Variants in MTMR12 observed in about 807,000 individuals in gnomAD.
The protein encoded by MTMR12 is myotubularin related protein 12.
A neutral mutation model predicts 96.7 loss-of-function variants in MTMR12; 33 were observed. The ratio of observed to expected loss-of-function variants is 0.34; its 90% CI spans 0.26 to 0.46. MTMR12 has a LOEUF of 0.46. Among genes scored for constraint, MTMR12 ranks in the 20% least tolerant of loss-of-function variants. MTMR12 has a pLI of 1.00. For missense variants in MTMR12, 721 were observed against 896.1 expected (o/e 0.80, Z 2.49); for synonymous variants, 298 against 327.2 (o/e 0.91, Z 0.96).
chr5:32,240,532 C>T (rs1748427663), intron 12 of MTMR12, among the ~76,000 whole-genome samples: 1 of 152,156 alleles, frequency 6.6e-6, no homozygotes, highest in South Asian at 2.1e-4. Flanking sequence ...AAACAAGCCT[C>T]AACTATGGGA....
At chr5:32,308,465 G>A (rs947491840) in intron 1 of MTMR12, among the ~76,000 whole-genome samples, 3 of 152,198 alleles carry the variant, frequency 2.0e-5, no homozygotes, top group Non-Finnish European at 4.4e-5. Context: ...TAAGCCAAGA[G>A]AAGGTTACCA....
At position 32,268,323 on chromosome 5, in the gene MTMR12, C is replaced by G. The variant is rs143423535; in HGVS notation, c.583+378G>C. On this transcript the variant is annotated intron_variant, in intron 6 of 15. Transcript: ENST00000382142. The stretch of plus-strand genomic sequence containing the variant: ...AGGAGTTTGGAACCAGCCTGACCAA[C>G]ATGGAGAAACCTCATCTCTACCAAA... 5.8e-4 allele frequency among the ~76,000 whole-genome samples: 88 copies of G among 152,104 alleles called. No homozygotes were observed. The East Asian group carries it at 0.016, about 27-fold the overall frequency.
At chr5:32,248,185 T>G in intron 9 of MTMR12, 59 bp from the exon 10 acceptor site, 1 of 1,571,062 alleles carries the variant, frequency 6.4e-7, no homozygotes, top group Non-Finnish European at 8.7e-7. Flanking sequence ...GCTTAAGGAT[T>G]TACTACGTGC....
At position 32,312,682 on chromosome 5, in the gene MTMR12, T is replaced by G; in HGVS notation, c.81+76A>C. 3.2e-6 allele frequency: 4 copies of G among 1,262,774 alleles called. No individual in the cohort carries two copies. The South Asian group carries it at 7.9e-5, about 25-fold the overall frequency. The allele number at this position is 1,262,774 out of a possible 1,614,324, so 78.2% of individuals were successfully genotyped here. ...GGAAGCGCTCCGCGGCGCTCCCCGC[T>G]GCAAGGAAGGGGCTCCCGGCGCCCC... is the stretch of plus-strand genomic sequence containing the variant. On this transcript the variant is annotated intron_variant, in intron 1 of 15. Coordinates refer to ENST00000382142, the MANE Select transcript of MTMR12 (RefSeq NM_001040446.3). This position sits in a 1 kb window ranked among gnomAD's most constrained non-coding sequence, Gnocchi z 5.0.
At chr5:32,251,188 T>C (rs1748908069) in intron 8 of MTMR12, among the ~76,000 whole-genome samples, 1 of 151,248 alleles carries the variant, frequency 6.6e-6, no homozygotes, top group Admixed American at 6.6e-5. Context: ...CCCGAGTAGC[T>C]GGGACTACAG....
chr5:32,232,540 G>T (rs575910323), intron 15 of MTMR12, among the ~76,000 whole-genome samples: 16 of 152,338 alleles, frequency 1.1e-4, no homozygotes, highest in Admixed American at 2.6e-4. Flanking sequence ...AACAGACGTT[G>T]TCCTCGCTGT....
At chr5:32,277,623 C>G (rs946634576) in intron 1 of MTMR12, among the ~76,000 whole-genome samples, 2 of 151,760 alleles carry the variant, frequency 1.3e-5, no homozygotes, top group Non-Finnish European at 2.9e-5. Flanking sequence ...CACTTTAATT[C>G]GGGAGGCAGA....
chr5:32,312,587 C>A lies in MTMR12; in HGVS notation c.81+171G>T, dbSNP rs1288990631. 6.6e-6 allele frequency among the ~76,000 whole-genome samples: 1 copy of A among 152,182 alleles called. No homozygotes were observed. Among genetic ancestry groups the A allele is most frequent in the Admixed American group, 6.5e-5 (1 of 15,294 alleles). ...CTGCGCCGGGGTCCCCATTCCGGCCCGCGCGGAGGCCCCAGCGCGCTCCTG... is the reference window on the plus strand; with the variant it reads ...CTGCGCCGGGGTCCCCATTCCGGCCAGCGCGGAGGCCCCAGCGCGCTCCTG... On this transcript the variant is annotated intron_variant, in intron 1 of 15. Coordinates refer to ENST00000382142, the MANE Select transcript of MTMR12 (RefSeq NM_001040446.3). This position sits in a 1 kb window ranked among gnomAD's most constrained non-coding sequence, Gnocchi z 5.0.
chr5:32,307,461 G>C (rs1751406056), intron 1 of MTMR12, among the ~76,000 whole-genome samples: 2 of 152,096 alleles, frequency 1.3e-5, no homozygotes, highest in Admixed American at 1.3e-4. Flanking sequence ...GATGGCCCCA[G>C]ATCCCTCCCT....
intron 2 of MTMR12, 60 bp downstream of exon 2, chr5:32,276,622 G>A (rs1750060335): frequency 7.2e-7 from 1 of 1,381,594 alleles, no homozygotes; most frequent in Non-Finnish European, 1.0e-6. Context: ...GGCTAGGGAT[G>A]ATGTAATTTA....
At chr5:32,237,230 G>C (rs1581589440) in intron 13 of MTMR12, among the ~76,000 whole-genome samples, 1 of 152,240 alleles carries the variant, frequency 6.6e-6, no homozygotes, top group African/African-American at 2.4e-5. Context: ...CGCTGCAGGT[G>C]AGTTGATTAA....
intron 8 of MTMR12, among the ~76,000 whole-genome samples, chr5:32,252,776 T>C (rs1269508883): frequency 6.6e-6 from 1 of 152,264 alleles, no homozygotes; most frequent in African/African-American, 2.4e-5. Context: ...GGCTTTGTTT[T>C]ATGTTTTTGC....
intron 6 of MTMR12, among the ~76,000 whole-genome samples, chr5:32,264,592 C>G (rs1749521863): frequency 6.6e-6 from 1 of 152,054 alleles, no homozygotes; most frequent in African/African-American, 2.4e-5. Flanking sequence ...TCCTGAATAG[C>G]TGGGATTATA....
Position 32,292,759 on chromosome 5 carries a change from GA to G in MTMR12, c.82-16018del, listed in dbSNP as rs57298697. ...TAAAGGTTTGGGTCACTCCACTAGG[GA>G]AAAAAAACCACGACCTGCTGAGGTG... is the stretch of plus-strand genomic sequence containing the variant. On this transcript the variant is annotated intron_variant, in intron 1 of 15. Transcript: ENST00000382142. Among the ~76,000 whole-genome samples the G allele has an allele frequency of 8.9e-3, 1,344 of 151,788 alleles. 15 individuals are homozygous for G. Among genetic ancestry groups the G allele is most frequent in the African/African-American group, 0.031 (1,277 of 41,396 alleles).
chr5:32,290,927 C>T, intron 1 of MTMR12, among the ~76,000 whole-genome samples: 1 of 152,186 alleles, frequency 6.6e-6, no homozygotes, highest in East Asian at 1.9e-4. Context: ...CACCATGCGA[C>T]CTGAACTGCC....
chr5:32,286,865 T>A (rs533098590), intron 1 of MTMR12, among the ~76,000 whole-genome samples: 2 of 152,258 alleles, frequency 1.3e-5, no homozygotes, highest in South Asian at 4.1e-4. Flanking sequence ...CCTCTCGAGT[T>A]CACATGCTCT....
intron 1 of MTMR12, among the ~76,000 whole-genome samples, chr5:32,311,483 GATCAGATCTCTC>G (rs1751594704): frequency 6.6e-6 from 1 of 152,196 alleles, no homozygotes; most frequent in Non-Finnish European, 1.5e-5. Context: ...AGCAGTCCCT[GATCAGATCTCTC>G]ATCCACAGCC....
intron 15 of MTMR12, among the ~76,000 whole-genome samples, chr5:32,232,203 C>T (rs966060149): frequency 6.6e-6 from 1 of 152,230 alleles, no homozygotes; most frequent in Non-Finnish European, 1.5e-5. Flanking sequence ...GGCAGCACCA[C>T]ATGCTGCTCA....
At chr5:32,297,201 T>A (rs974024193) in intron 1 of MTMR12, among the ~76,000 whole-genome samples, 3 of 152,124 alleles carry the variant, frequency 2.0e-5, no homozygotes, top group African/African-American at 7.2e-5. Flanking sequence ...GTATTCAGTA[T>A]ATTCATAGTT....
Sources: allele counts gnomAD v4.1 joint callset (sites outside exome capture counted in the v4.1 genomes callset), GRCh38; gene constraint gnomAD v4.1.1; non-coding constraint Gnocchi (gnomAD v3.1); transcripts MANE v1.5; gene names NCBI Gene and HGNC (gene_info 2026-07-23, HGNC 2026-07-21).